SNU13: variants seen among roughly 807,000 people sequenced by gnomAD.
The protein encoded by SNU13 is NHP2-like protein 1.
Under a neutral mutation model 12.4 loss-of-function variants are expected in SNU13, and 2 were observed. The ratio of observed to expected loss-of-function variants is 0.16; its 90% CI spans 0.07 to 0.51. The LOEUF is 0.51. SNU13 is among the 20% of genes least tolerant of loss of function. The pLI is 0.96. For synonymous variants in SNU13, 68 were observed against 66.5 expected, an observed-to-expected ratio of 1.02 and a Z score of -0.11; for missense variants, 66 against 157.8, an observed-to-expected ratio of 0.42 and a Z score of 3.12.
At chr22:41,682,634 G>T in intron 1 of SNU13, 1 of 1,272,366 alleles carries the variant, frequency 7.9e-7, no homozygotes, top group Non-Finnish European at 1.0e-6. Flanking sequence ...AAAGGAAGGG[G>T]GTTGGGGGAG....
chr22:41,683,241 C>G (rs147471742), intron 1 of SNU13, among the ~76,000 whole-genome samples: 1 of 152,168 alleles, frequency 6.6e-6, no homozygotes, highest in Non-Finnish European at 1.5e-5. Flanking sequence ...CTCAAGTGAT[C>G]CGCTTGCCTT....
At chr22:41,678,229 C>A (rs2068231815) in intron 2 of SNU13, among the ~76,000 whole-genome samples, 1 of 152,126 alleles carries the variant, frequency 6.6e-6, no homozygotes, top group Admixed American at 6.6e-5. Flanking sequence ...CCCACCTCGG[C>A]CTCCCAAAGT....
rs190020422 is a variant in SNU13, at chr22:41,681,176, A to G, written c.4-812T>C. ...TCACCTCCTCTACAATACACACAAAATGGTTCCAAAATTGCTACACCAATA... is the reference window on the plus strand; with the variant it reads ...TCACCTCCTCTACAATACACACAAAGTGGTTCCAAAATTGCTACACCAATA... On this transcript the variant is annotated intron_variant, in intron 1 of 2. Transcript: ENST00000401959. The G allele has an allele frequency of 4.6e-5, 7 of 152,352 alleles. No homozygotes were observed. In the East Asian group the frequency reaches 1.3e-3, roughly 29 times the overall value. The allele number at this position is 152,352 out of a possible 1,614,324, so 9.4% of individuals were successfully genotyped here. A position where few individuals can be genotyped will look rare whatever the true frequency, so the allele number is the denominator to read the frequency against.
chr22:41,689,035 T>G, upstream of SNU13: 1 of 1,258,874 alleles, frequency 7.9e-7, no homozygotes, highest in Non-Finnish European at 1.0e-6. Context: ...CTAGTACAAA[T>G]TATTGGCAGA....
chr22:41,682,470 A>AGGAAGTGACGCCACTGCCGCCAGC (rs1224205142), intron 1 of SNU13: 17 of 1,595,980 alleles, frequency 1.1e-5, no homozygotes, highest in South Asian at 2.2e-5. Flanking sequence ...CCCCAAGAGC[A>AGGAAGTGACGCCACTGCCGCCAGC]GGAAGTGACG....
intron 1 of SNU13, chr22:41,682,229 G>T: frequency 9.9e-7 from 1 of 1,006,352 alleles, no homozygotes; most frequent in African/African-American, 1.6e-5. Context: ...TCTCCTGCCC[G>T]ACACCGCGCA....
intron 1 of SNU13, among the ~76,000 whole-genome samples, chr22:41,683,162 A>G (rs545081484): frequency 6.6e-6 from 1 of 151,956 alleles, no homozygotes; most frequent in East Asian, 1.9e-4. Flanking sequence ...ACGCCCGGCT[A>G]ATTTTTCTGT....
chr22:41,689,943 A>C (rs1203689350), upstream of SNU13, among the ~76,000 whole-genome samples: 2 of 150,598 alleles, frequency 1.3e-5, no homozygotes, highest in Middle Eastern at 3.2e-3. Context: ...GCGCCATTGC[A>C]CTCCAGCCTG....
At chr22:41,682,817 T>A (rs978267884) in intron 1 of SNU13, among the ~76,000 whole-genome samples, 1 of 151,830 alleles carries the variant, frequency 6.6e-6, no homozygotes, top group African/African-American at 2.4e-5. Flanking sequence ...GCCGGCTGAT[T>A]TTTGTATTTT....
intron 1 of SNU13, chr22:41,682,554 T>A: frequency 6.8e-7 from 1 of 1,461,304 alleles, no homozygotes; most frequent in Non-Finnish European, 9.0e-7. Flanking sequence ...CGTAACTCCT[T>A]ATCTTAGGCG....
At chr22:41,679,668 T>C (rs1158772116) in intron 2 of SNU13, 1 of 97,850 alleles carries the variant, frequency 1.0e-5, no homozygotes, top group Non-Finnish European at 2.0e-5. Flanking sequence ...ATTATTCTAC[T>C]GAAAAACAGC....
chr22:41,683,889 TAG>T (rs2068287193), intron 1 of SNU13, among the ~76,000 whole-genome samples: 1 of 151,896 alleles, frequency 6.6e-6, no homozygotes, highest in Non-Finnish European at 1.5e-5. Context: ...CACAGGAGTT[TAG>T]GAGCAGGGTT....
At chr22:41,686,784 G>A (rs769023176) in intron 1 of SNU13, among the ~76,000 whole-genome samples, 33 of 150,460 alleles carry the variant, frequency 2.2e-4, no homozygotes, top group Non-Finnish European at 4.4e-4. Context: ...GCACCACCAC[G>A]CCTGGCTAAT....
In SNU13 at chr22:41,674,805, A is replaced by G. The variant is rs1309360717; in HGVS notation, c.*128T>C. On this transcript the variant is annotated 3_prime_UTR_variant, in exon 3 of 3. Transcript: ENST00000401959. Reference sequence around the variant, plus strand: ...GAACAAAAACAACACAAAAATCCAGAAACCAGATTTAGTACTACATTTTAT... The same window carrying G: ...GAACAAAAACAACACAAAAATCCAGGAACCAGATTTAGTACTACATTTTAT... 1.5e-6 allele frequency: 2 copies of G among 1,326,226 alleles called. No individual in the cohort carries two copies. The highest frequency in any genetic ancestry group is 2.1e-6 in the Non-Finnish European group (2 of 975,270). 82.2% of individuals were successfully genotyped at this position (1,326,226 alleles called of 1,614,324 possible).
intron 1 of SNU13, 66 bp from the exon 2 acceptor site, chr22:41,680,430 T>C: frequency 6.4e-7 from 1 of 1,550,486 alleles, no homozygotes; most frequent in Admixed American, 1.8e-5. Context: ...AGTCACAAAA[T>C]ACTAATCAAC....
upstream of SNU13, chr22:41,689,139 A>T (rs2068339290): frequency 9.7e-7 from 1 of 1,034,466 alleles, no homozygotes; most frequent in Admixed American, 5.2e-5. Flanking sequence ...AGGCGGGCGC[A>T]TCACCTGAGG....
Position 41,682,266 on chromosome 22 carries a change from T to A in SNU13, c.4-1902A>T. 5.0e-6 allele frequency: 7 copies of A among 1,406,492 alleles called. No homozygotes were observed. The South Asian group carries it at 6.9e-5, about 14-fold the overall frequency. The allele number at this position is 1,406,492 out of a possible 1,614,324, so 87.1% of individuals were successfully genotyped here. On this transcript the variant is annotated intron_variant, in intron 1 of 2. Coordinates refer to ENST00000401959, the MANE Select transcript of SNU13 (RefSeq NM_001003796.2). ...CTGCCTTTTCCTCCTTCCGTTTTTT[T>A]ACAGCTTTTCTGACACAGCGGGACC...
intron 2 of SNU13, among the ~76,000 whole-genome samples, chr22:41,676,327 C>T (rs1197946899): frequency 1.3e-5 from 2 of 152,092 alleles, no homozygotes; most frequent in African/African-American, 4.8e-5. Flanking sequence ...TGCGAATACT[C>T]TGCATTCATG....
intron 2 of SNU13, among the ~76,000 whole-genome samples, chr22:41,676,431 G>A (rs2068215016): frequency 6.6e-6 from 1 of 151,972 alleles, no homozygotes; most frequent in African/African-American, 2.4e-5. Flanking sequence ...CCTTGAGCAA[G>A]GTGTTTAACT....
Sources: allele counts gnomAD v4.1 joint callset (sites outside exome capture counted in the v4.1 genomes callset), GRCh38; gene constraint gnomAD v4.1.1; transcripts MANE v1.5; gene names NCBI Gene and HGNC (gene_info 2026-07-23, HGNC 2026-07-21).